The following RBBP8NL variants were observed in gnomAD, a reference collection of about 807,000 sequenced individuals.
RBBP8NL encodes the protein RBBP8 N-terminal-like protein.
In RBBP8NL, 59 loss-of-function variants were observed where a neutral mutation model predicts 62.2. The ratio of observed to expected loss-of-function variants is 0.95; its 90% CI spans 0.77 to 1.18. RBBP8NL has a LOEUF of 1.18. RBBP8NL is among the 50% of genes most tolerant of loss of function. RBBP8NL has a pLI of 0.00. For missense variants in RBBP8NL, 896 were observed against 899.5 expected, an observed-to-expected ratio of 1.00 and a Z score of 0.05; for synonymous variants, 412 against 394.1, an observed-to-expected ratio of 1.05 and a Z score of -0.54.
chr20:62,424,628 C>G (rs767948014), intron 1 of RBBP8NL, among the ~76,000 whole-genome samples: 1 of 152,170 alleles, frequency 6.6e-6, no homozygotes, highest in Non-Finnish European at 1.5e-5. Context: ...CAGGAGAGCC[C>G]TCCATGGGGA....
In RBBP8NL at chr20:62,412,632, C is replaced by T. The variant is rs1297471165; in HGVS notation, c.1868G>A (p.Gly623Glu). The change falls in exon 13 of 14, where the codon GGG (glycine) becomes GAG (glutamate). Residue 623 changes from glycine to glutamate, a missense_variant. Coordinates refer to ENST00000252998, the MANE Select transcript of RBBP8NL (RefSeq NM_080833.3). ...PRKRKRASEP[G>E]DKASKKPSRG... ...CCCCATGCCAGCTGTACCTTTGTCCCCAGGCTCCGAGGCCCGCTTCCTCTT... is the reference window on the plus strand; with the variant it reads ...CCCCATGCCAGCTGTACCTTTGTCCTCAGGCTCCGAGGCCCGCTTCCTCTT... 1 of 1,604,518 alleles carries T rather than the reference C, an allele frequency of 6.2e-7. No individual in the cohort carries two copies. The highest frequency in any genetic ancestry group is 8.5e-7 in the Non-Finnish European group (1 of 1,179,852).
chr20:62,411,109 G>T, intron 13 of RBBP8NL, 113 bp from the exon 14 acceptor site: 1 of 717,344 alleles, frequency 1.4e-6, no homozygotes. Flanking sequence ...CTGGGTGCTT[G>T]GGGAAGTTTG....
intron 4 of RBBP8NL, 38 bp downstream of exon 4, chr20:62,417,186 G>T (rs376506651): frequency 2.0e-6 from 3 of 1,493,334 alleles, no homozygotes; most frequent in Admixed American, 1.9e-5. Context: ...TGAGCCCACC[G>T]GTCCTGGCCA....
rs937016861 is a variant in RBBP8NL, at chr20:62,412,486, G to A, written c.1876+138C>T. 3 of 1,169,868 alleles carry A rather than the reference G, an allele frequency of 2.6e-6. No individual in the cohort carries two copies. The South Asian group carries it at 4.2e-5, about 16-fold the overall frequency. 72.5% of individuals were successfully genotyped at this position (1,169,868 alleles called of 1,614,324 possible). On this transcript the variant is annotated intron_variant, in intron 13 of 13. Coordinates refer to ENST00000252998, the MANE Select transcript of RBBP8NL (RefSeq NM_080833.3). ...TCCTCTGTGGGGTTCATTTGGGGAG[G>A]GTTGAGGTTCATTTTTGGCTCCATC...
intron 13 of RBBP8NL, among the ~76,000 whole-genome samples, chr20:62,411,240 C>T (rs1047234531): frequency 3.3e-5 from 5 of 152,210 alleles, no homozygotes; most frequent in African/African-American, 9.6e-5. Context: ...CCGAACACGG[C>T]ACTGACCCCA....
intron 1 of RBBP8NL, among the ~76,000 whole-genome samples, chr20:62,422,129 T>C (rs751305092): frequency 6.6e-6 from 1 of 152,172 alleles, no homozygotes; most frequent in Non-Finnish European, 1.5e-5. Context: ...AAAATCCAAC[T>C]TCGGGCTCGC....
chr20:62,412,570 G>A, intron 13 of RBBP8NL, 54 bp downstream of exon 13: 1 of 1,580,556 alleles, frequency 6.3e-7, no homozygotes, highest in Non-Finnish European at 8.6e-7. Context: ...GGGAGAGGTG[G>A]GTGCTGTGGC....
rs922817021 is a variant in RBBP8NL, at chr20:62,415,436, A to G, written c.627+142T>C. The G allele has an allele frequency of 7.1e-5, 96 of 1,360,964 alleles. No homozygotes were observed. In the Middle Eastern group the frequency reaches 1.3e-3, roughly 18 times the overall value. The allele number at this position is 1,360,964 out of a possible 1,614,324, so 84.3% of individuals were successfully genotyped here. A position where few individuals can be genotyped will look rare whatever the true frequency, so the allele number is the denominator to read the frequency against. ...CCCCCACCCACGCCAAATGGAGCGC[A>G]GTGGCTCCTGCCCGGGACAAAGGAG... On this transcript the variant is annotated intron_variant, in intron 8 of 13. Transcript: ENST00000252998.
At chr20:62,413,783 G>A in intron 10 of RBBP8NL, 38 bp downstream of exon 10, 1 of 1,545,820 alleles carries the variant, frequency 6.5e-7, no homozygotes, top group Non-Finnish European at 8.7e-7. Context: ...GGACGTGGAG[G>A]CTGAGGACCG....
In RBBP8NL at chr20:62,414,292, C is replaced by A; in HGVS notation, c.1059G>T (p.Gly353=). ...GCTGGGCCAGGAGCAGGTGCAGTGC[C>A]CCCTCCAGGCGAAGGTCCTGCATGC... is the stretch of plus-strand genomic sequence containing the variant. ...LAGMQDLRLE[G]ALHLLLAQQQ... The change falls in exon 10 of 14, where the codon GGG becomes GGT. Residue 353 remains glycine (G), a synonymous_variant. Transcript: ENST00000252998. The A allele has an allele frequency of 1.3e-6, 2 of 1,574,036 alleles. No homozygotes were observed. Among genetic ancestry groups the A allele is most frequent in the East Asian group, 2.3e-5 (1 of 42,898 alleles).
At position 62,413,750 on chromosome 20, in the gene RBBP8NL, G is replaced by A. The variant is rs1028435657; in HGVS notation, c.1530+71C>T. ...AGGGAAAAGAGCAGCCCGAGGTCTGGGGGGAGGCCGGCCCGGGGTGGGGGA... is the reference window on the plus strand; with the variant it reads ...AGGGAAAAGAGCAGCCCGAGGTCTGAGGGGAGGCCGGCCCGGGGTGGGGGA... On this transcript the variant is annotated intron_variant, in intron 10 of 13. Transcript: ENST00000252998. The A allele has an allele frequency of 1.0e-5, 15 of 1,505,660 alleles. No homozygotes were observed. The East Asian group carries it at 2.8e-4, about 28-fold the overall frequency. The allele number at this position is 1,505,660 out of a possible 1,614,324, so 93.3% of individuals were successfully genotyped here.
At chr20:62,417,434 G>A in intron 3 of RBBP8NL, 115 bp from the exon 4 acceptor site, 1 of 769,160 alleles carries the variant, frequency 1.3e-6, no homozygotes, top group Non-Finnish European at 2.1e-6. Flanking sequence ...TTGGTCTGGG[G>A]GCAACGCCTA....
intron 3 of RBBP8NL, 138 bp downstream of exon 3, chr20:62,418,285 C>T (rs1044269006): frequency 4.6e-6 from 4 of 878,468 alleles, no homozygotes. Flanking sequence ...GGACAAGTGA[C>T]TCCCCCCGCC....
At chr20:62,425,969 T>C (rs1042578026) in intron 1 of RBBP8NL, among the ~76,000 whole-genome samples, 1 of 147,124 alleles carries the variant, frequency 6.8e-6, no homozygotes, top group Non-Finnish European at 1.5e-5. Flanking sequence ...GGCATAGCAG[T>C]GGCAGTGGCA....
At chr20:62,414,712 T>G (rs534544463) in intron 9 of RBBP8NL, among the ~76,000 whole-genome samples, 156 bp from the exon 10 acceptor site, 1 of 152,190 alleles carries the variant, frequency 6.6e-6, no homozygotes, top group African/African-American at 2.4e-5. Context: ...TGGCAGGTAG[T>G]GGAGGGAGGG....
chr20:62,418,554 A>G, intron 2 of RBBP8NL, 89 bp from the exon 3 acceptor site: 1 of 1,292,166 alleles, frequency 7.7e-7, no homozygotes, highest in East Asian at 2.5e-5. Flanking sequence ...CAGAGCTGCA[A>G]TGTGGCACTC....
rs946072724 is a variant in RBBP8NL at position 62,415,486 on chromosome 20, G to A, written c.627+92C>T. On this transcript the variant is annotated intron_variant, in intron 8 of 13. Transcript: ENST00000252998. ...GGGGCACATTCAGGGTTAGGCGCAT[G>A]AGAGGCTGGCATACTGAAAGTGCAG... is the stretch of plus-strand genomic sequence containing the variant. The A allele has an allele frequency of 2.0e-5, 29 of 1,455,896 alleles. No homozygotes were observed. In the Middle Eastern group the frequency reaches 6.7e-4, roughly 34 times the overall value. 90.2% of individuals were successfully genotyped at this position (1,455,896 alleles called of 1,614,324 possible). A position where few individuals can be genotyped will look rare whatever the true frequency, so the allele number is the denominator to read the frequency against.
intron 1 of RBBP8NL, among the ~76,000 whole-genome samples, chr20:62,426,089 TAGC>T (rs950360056): frequency 3.4e-5 from 5 of 146,778 alleles, no homozygotes; most frequent in East Asian, 2.0e-4. Flanking sequence ...GCAGTGGAAG[TAGC>T]AGCGGCAGCG....
rs372215358 is a variant in RBBP8NL at position 62,424,964 on chromosome 20, G to A, written c.-84+2496C>T. Among the ~76,000 whole-genome samples the A allele has an allele frequency of 1.9e-3, 289 of 152,244 alleles. 1 individual carries two copies. Among genetic ancestry groups the A allele is most frequent in the African/African-American group, 6.1e-3 (255 of 41,536 alleles). ...TGCTGGCTGGAGAGTCAGTCTGGGCGGAGGGTAAAGGTGTGGGCTTCCCAG... is the reference window on the plus strand; with the variant it reads ...TGCTGGCTGGAGAGTCAGTCTGGGCAGAGGGTAAAGGTGTGGGCTTCCCAG... On this transcript the variant is annotated intron_variant, in intron 1 of 13. Transcript: ENST00000252998.
Sources: allele counts gnomAD v4.1 joint callset (sites outside exome capture counted in the v4.1 genomes callset), GRCh38; gene constraint gnomAD v4.1.1; transcripts MANE v1.5; gene names NCBI Gene and HGNC (gene_info 2026-07-23, HGNC 2026-07-21).